The following CHRNB1 variants were observed in gnomAD, a reference collection of about 807,000 sequenced individuals.
The protein encoded by CHRNB1 is acetylcholine receptor subunit beta.
In CHRNB1, 47 loss-of-function variants were observed where a neutral mutation model predicts 53.8. The ratio of observed to expected loss-of-function variants is 0.87; its 90% CI spans 0.69 to 1.11. The LOEUF (loss-of-function observed/expected upper bound fraction) is 1.11, where lower values mean the gene tolerates loss of function less well. Among genes scored for constraint, CHRNB1 ranks in the 50% most tolerant of loss-of-function variants. The pLI, the probability that CHRNB1 is intolerant of heterozygous loss-of-function variation, is 0.00. For missense variants in CHRNB1, 605 were observed against 654.9 expected (o/e 0.92, Z 0.83); for synonymous variants, 259 against 263.5 (o/e 0.98, Z 0.16).
In CHRNB1 at chr17:7,446,074, G is replaced by C. The variant is rs1289301139; in HGVS notation, c.204G>C (p.Glu68Asp). ...CTTAAATTTTTCCCTTCTAGAACGA[G>C]AAGGATGAAGAGATGAGCACAAAGG... is the stretch of plus-strand genomic sequence containing the variant. ...LILAQLISLN[E>D]KDEEMSTKVY... is the part of the protein sequence containing the mutation. Residue 68 changes from glutamate (E) to aspartate (D), a missense_variant, in exon 3 of 11, where the codon GAG becomes GAC. By Grantham distance (45) the Glu-to-Asp change is conservative (BLOSUM62 2). Transcript: ENST00000306071. 6.2e-7 allele frequency: 1 copy of C among 1,614,040 alleles called. No individual in the cohort carries two copies. Among genetic ancestry groups the C allele is most frequent in the Non-Finnish European group, 8.5e-7 (1 of 1,179,952 alleles).
Position 7,455,281 on chromosome 17 carries a change from C to T in CHRNB1, c.1045-3C>T. 6.2e-7 allele frequency: 1 copy of T among 1,614,034 alleles called. No individual in the cohort carries two copies. Among genetic ancestry groups the T allele is most frequent in the Non-Finnish European group, 8.5e-7 (1 of 1,179,960 alleles). On this transcript the variant is annotated splice_polypyrimidine_tract_variant and splice_region_variant and intron_variant, in intron 8 of 10. Coordinates refer to ENST00000306071, the MANE Select transcript of CHRNB1 (RefSeq NM_000747.3). ...CCACCAATACGCCTCTTCTACTCTG[C>T]AGATCTTCATTCACAAACTTCCGCT...
intron 7 of CHRNB1, among the ~76,000 whole-genome samples, chr17:7,453,922 A>G (rs1441121208): frequency 6.6e-6 from 1 of 151,970 alleles, no homozygotes. Flanking sequence ...TTAGCTGGGC[A>G]TGGTGGCGTG....
chr17:7,448,760 C>G lies in CHRNB1; in HGVS notation c.792C>G (p.Ile264Met). ...GCATCCTCATCACTCTTCTGGCCAT[C>G]TTCGTCTTCTACCTGCCACCAGATG... ...APCILITLLA[I>M]FVFYLPPDAG... The change falls in exon 7 of 11, where the codon ATC (isoleucine) becomes ATG (methionine). Residue 264 changes from isoleucine to methionine, a missense_variant. Transcript: ENST00000306071. The G allele has an allele frequency of 6.2e-7, 1 of 1,614,238 alleles. No individual in the cohort carries two copies.
chr17:7,456,599 A>C lies in CHRNB1; in HGVS notation c.1382A>C (p.Gln461Pro), dbSNP rs1219444805. 1 of 1,614,090 alleles carries C rather than the reference A, an allele frequency of 6.2e-7. No individual in the cohort carries two copies. Among genetic ancestry groups the C allele is most frequent in the Admixed American group, 1.7e-5 (1 of 60,010 alleles). ...EDHDALKEDWQFVAMVVDRLF... is the reference protein window; with the variant it reads ...EDHDALKEDWPFVAMVVDRLF... ...TACCCACAGCTGAAGGAGGACTGGC[A>C]GTTTGTGGCCATGGTAGTGGACCGC... The change falls in exon 11 of 11, where the codon CAG (glutamine) becomes CCG (proline). Residue 461 changes from glutamine (Q) to proline (P), a missense_variant. Transcript: ENST00000306071.
At chr17:7,446,770 TG>T in intron 3 of CHRNB1, 62 bp from the exon 4 acceptor site, 1 of 1,351,828 alleles carries the variant, frequency 7.4e-7, no homozygotes, top group Non-Finnish European at 1.1e-6. Context: ...GGGCTTCCTT[TG>T]GAAATCCCAA....
intron 2 of CHRNB1, 67 bp from the exon 3 acceptor site, chr17:7,446,002 G>A (rs1213975680): frequency 2.8e-6 from 4 of 1,433,264 alleles, no homozygotes; most frequent in African/African-American, 1.4e-5. Flanking sequence ...AGAGAGGTTG[G>A]CCCCCCGAGC....
In CHRNB1 at chr17:7,455,284, A is replaced by C. The variant is rs765524906; in HGVS notation, c.1045A>C (p.Ile349Leu). 1 of 1,613,954 alleles carries C rather than the reference A, an allele frequency of 6.2e-7. No individual in the cohort carries two copies. Among genetic ancestry groups the C allele is most frequent in the Non-Finnish European group, 8.5e-7 (1 of 1,179,948 alleles). The stretch of plus-strand genomic sequence containing the variant: ...CCAATACGCCTCTTCTACTCTGCAG[A>C]TCTTCATTCACAAACTTCCGCTGTA... ...THQMPLWVRQ[I>L]FIHKLPLYLR... Residue 349 changes from isoleucine (I) to leucine (L), a missense_variant and splice_region_variant, in exon 9 of 11, where the codon ATC becomes CTC. Transcript: ENST00000306071.
In CHRNB1 at chr17:7,457,681, C is replaced by T. The variant is rs1372766543; in HGVS notation, c.*958C>T. The T allele has an allele frequency of 6.6e-6, 1 of 151,486 alleles. No homozygotes were observed. The highest frequency in any genetic ancestry group is 1.5e-5 in the Non-Finnish European group (1 of 67,910). The allele number at this position is 151,486 out of a possible 1,614,324, so 9.4% of individuals were successfully genotyped here. ...TATTATGTTTTGTAATGTGTACTAT[C>T]TCTGGGATTAAAAAAAGTTATTTCT... On this transcript the variant is annotated 3_prime_UTR_variant, in exon 11 of 11. Transcript: ENST00000306071.
In CHRNB1 at chr17:7,455,822, CT is replaced by C. The variant is rs1374312909; in HGVS notation, c.1247del (p.Leu416ArgfsTer41). On this transcript the variant is annotated frameshift_variant, in exon 10 of 11. Transcript: ENST00000306071. LOFTEE classifies it high-confidence loss of function. ...CCAGCCTGAACTGTCTGCCCCTGAT[CT>C]GCGGCGATTTATCGATGGTCCAAAC... ...RFQPELSAPDLRRFIDGPNRA... is the reference protein window; with the variant it reads ...RFQPELSAPDXRRFIDGPNRA... The C allele has an allele frequency of 4.3e-6, 7 of 1,614,044 alleles. No individual in the cohort carries two copies. In the African/African-American group the frequency reaches 6.7e-5, roughly 15 times the overall value.
intron 6 of CHRNB1, among the ~76,000 whole-genome samples, chr17:7,448,228 T>C (rs1239791833): frequency 2.0e-5 from 3 of 148,992 alleles, no homozygotes; most frequent in Non-Finnish European, 3.0e-5. Context: ...CTACTAAAAA[T>C]ACAAAAAATT....
chr17:7,446,831 AG>A lies in CHRNB1; in HGVS notation c.244del. The A allele has an allele frequency of 6.2e-7, 1 of 1,612,104 alleles. No homozygotes were observed. The highest frequency in any genetic ancestry group is 8.5e-7 in the Non-Finnish European group (1 of 1,178,504). ...GCAGCCCCTCAGCCTCTGCTTCACT[AG>A]GAGTGGACTGACTACAGGCTGAGCT... On this transcript the variant is annotated splice_acceptor_variant, in intron 3 of 10. Transcript: ENST00000306071. LOFTEE classifies it high-confidence loss of function.
intron 7 of CHRNB1, among the ~76,000 whole-genome samples, chr17:7,454,083 G>A (rs1908983969): frequency 6.6e-6 from 1 of 151,922 alleles, no homozygotes. Context: ...GTAGAAAAGA[G>A]GTCTCCCTAT....
chr17:7,446,335 G>GTGTC lies in CHRNB1; in HGVS notation c.243+225_243+226insCTGT, dbSNP rs1555551796. 225 of 236,476 alleles carry GTGTC rather than the reference G, an allele frequency of 9.5e-4. 2 individuals are homozygous for GTGTC. The highest frequency in any genetic ancestry group is 5.9e-3 in the African/African-American group (189 of 32,280). The allele number at this position is 236,476 out of a possible 1,614,324, so 14.6% of individuals were successfully genotyped here. ...TGTGTGTGTGTGTGTGTCTGTGTGT[G>GTGTC]TGTGTGTGTGTGTGTGTGTGTGTGT... On this transcript the variant is annotated intron_variant, in intron 3 of 10. Coordinates refer to ENST00000306071, the MANE Select transcript of CHRNB1 (RefSeq NM_000747.3).
rs781757332 is a variant in CHRNB1 at position 7,447,544 on chromosome 17, G to T, written c.504G>T (p.Val168=). 3.1e-6 allele frequency: 5 copies of T among 1,614,192 alleles called. No homozygotes were observed. The Admixed American group carries it at 5.0e-5, about 16-fold the overall frequency. The part of the protein sequence containing the change: ...FPFDWQNCTM[V]FSSYSYDSSE... The stretch of plus-strand genomic sequence containing the variant: ...TCGACTGGCAGAATTGCACTATGGT[G>T]TTCAGCTCCTACAGCTACGACAGCT... Residue 168 remains valine, a synonymous_variant, in exon 6 of 11, where the codon GTG becomes GTT. Transcript: ENST00000306071.
At position 7,456,751 on chromosome 17, in the gene CHRNB1, CT is replaced by C; in HGVS notation, c.*29del. Reference sequence around the variant, plus strand: ...ACTGGAGGGTTGAGACCCAGGCCCCCTGCCAGTTGAAGTGAGAGTTTGGTGA... The same window carrying C: ...ACTGGAGGGTTGAGACCCAGGCCCCCGCCAGTTGAAGTGAGAGTTTGGTGA... On this transcript the variant is annotated 3_prime_UTR_variant, in exon 11 of 11. Coordinates refer to ENST00000306071, the MANE Select transcript of CHRNB1 (RefSeq NM_000747.3). 1 of 1,614,098 alleles carries C rather than the reference CT, an allele frequency of 6.2e-7. No individual in the cohort carries two copies. The highest frequency in any genetic ancestry group is 8.5e-7 in the Non-Finnish European group (1 of 1,180,000).
rs2069959477 is a variant in CHRNB1 at position 7,457,024 on chromosome 17, G to A, written c.*301G>A. 2.6e-6 allele frequency: 1 copy of A among 392,050 alleles called. No homozygotes were observed. Among genetic ancestry groups the A allele is most frequent in the Non-Finnish European group, 4.8e-6 (1 of 209,578 alleles). 24.3% of individuals were successfully genotyped at this position (392,050 alleles called of 1,614,324 possible). On this transcript the variant is annotated 3_prime_UTR_variant, in exon 11 of 11. Coordinates refer to ENST00000306071, the MANE Select transcript of CHRNB1 (RefSeq NM_000747.3). ...TAGATTATAAGCCTTATGAGGTCAA[G>A]AAATGTGACTTGGCCGGGCGCGGTG...
chr17:7,447,301 A>G, intron 5 of CHRNB1, 150 bp downstream of exon 5: 1 of 919,030 alleles, frequency 1.1e-6, no homozygotes, highest in Non-Finnish European at 1.7e-6. Flanking sequence ...CTGGTTTTCC[A>G]TTGAGTGTTC....
intron 6 of CHRNB1, 108 bp downstream of exon 6, chr17:7,447,758 G>A: frequency 7.6e-7 from 1 of 1,321,602 alleles, no homozygotes; most frequent in Non-Finnish European, 1.1e-6. Context: ...GGGTCAGCAG[G>A]ATGGGTATGG....
chr17:7,447,148 C>T lies in CHRNB1; in HGVS notation c.459C>T (p.Ile153=). The T allele has an allele frequency of 6.2e-7, 1 of 1,613,588 alleles. No homozygotes were observed. ...GCATCTATCGCAGCAGCTGCAGCAT[C>T]CAGGTTTCCGGCCTCCACATTGGAA... ...PPGIYRSSCS[I]QVTYFPFDWQ... is the part of the protein sequence containing the mutation. The change falls in exon 5 of 11, where the codon ATC becomes ATT. Residue 153 remains isoleucine, a synonymous_variant. Transcript: ENST00000306071.
Sources: allele counts gnomAD v4.1 joint callset (sites outside exome capture counted in the v4.1 genomes callset), GRCh38; gene constraint gnomAD v4.1.1; transcripts MANE v1.5; gene names NCBI Gene and HGNC (gene_info 2026-07-23, HGNC 2026-07-21).